Variants in PRKACB observed in about 807,000 individuals in gnomAD.
PRKACB encodes protein kinase cAMP-activated catalytic subunit beta, also known as cAMP-dependent protein kinase catalytic subunit beta.
In PRKACB, 16 loss-of-function variants were observed where a neutral mutation model predicts 51.4. That is an observed-to-expected ratio of 0.31 (90% CI 0.21 to 0.47). PRKACB has a LOEUF of 0.47. Ranked by LOEUF, PRKACB falls within the 20% of genes least tolerant of loss-of-function variation. The pLI is 1.00. For missense variants in PRKACB, 309 were observed against 464.5 expected, an observed-to-expected ratio of 0.67 and a Z score of 3.08; for synonymous variants, 147 against 154.4, an observed-to-expected ratio of 0.95 and a Z score of 0.35.
chr1:84,180,201 T>TATATATATATATATATATATATATAG (rs1662888468), intron 2 of PRKACB, among the ~76,000 whole-genome samples: 1 of 119,938 alleles, frequency 8.3e-6, no homozygotes, highest in Non-Finnish European at 1.8e-5. Context: ...TATATATATA[T>TATATATATATATATATATATATATAG]ATATATATGT....
intron 1 of PRKACB, among the ~76,000 whole-genome samples, chr1:84,175,974 G>A (rs1191576919): frequency 1.3e-5 from 2 of 151,620 alleles, no homozygotes; most frequent in East Asian, 1.9e-4. Context: ...AGAATAAAAT[G>A]TGTTTCAGAA....
intron 9 of PRKACB, among the ~76,000 whole-genome samples, chr1:84,224,850 A>T (rs564580311): frequency 6.6e-6 from 1 of 152,124 alleles, no homozygotes; most frequent in Non-Finnish European, 1.5e-5. Context: ...TCACTGTGGG[A>T]GGTGCCACCA....
intron 1 of PRKACB, among the ~76,000 whole-genome samples, chr1:84,169,780 C>T (rs969352102): frequency 6.6e-6 from 1 of 151,636 alleles, no homozygotes; most frequent in East Asian, 1.9e-4. Context: ...TTTGTTTTGA[C>T]AAGATTAACA....
At chr1:84,119,455 C>T (rs1156912058) in intron 1 of PRKACB, among the ~76,000 whole-genome samples, 1 of 152,092 alleles carries the variant, frequency 6.6e-6, no homozygotes, top group Non-Finnish European at 1.5e-5. Flanking sequence ...TTATACCCTT[C>T]TACTGATGCT....
chr1:84,214,883 T>TA (rs1425288785), intron 9 of PRKACB, among the ~76,000 whole-genome samples: 30 of 152,348 alleles, frequency 2.0e-4, no homozygotes, highest in African/African-American at 7.2e-4. Context: ...CTATGCTTGT[T>TA]ACGCTTCACA....
At chr1:84,174,931 AT>A in intron 1 of PRKACB, 1 of 1,032,424 alleles carries the variant, frequency 9.7e-7, no homozygotes, top group South Asian at 2.4e-5. Context: ...TTAACATTTT[AT>A]TTCTGTATAT....
chr1:84,185,943 C>T (rs1442630476), intron 5 of PRKACB, among the ~76,000 whole-genome samples: 2 of 152,104 alleles, frequency 1.3e-5, no homozygotes, highest in Non-Finnish European at 2.9e-5. Context: ...GAGGCATATA[C>T]ACAGACTAGG....
chr1:84,217,478 G>A (rs1673042973), intron 9 of PRKACB, among the ~76,000 whole-genome samples: 1 of 151,982 alleles, frequency 6.6e-6, no homozygotes, highest in Non-Finnish European at 1.5e-5. Context: ...ACATCTGAGT[G>A]ACTTACTGCC....
intron 1 of PRKACB, among the ~76,000 whole-genome samples, chr1:84,080,404 C>A (rs79038019): frequency 2.2e-3 from 330 of 152,150 alleles, no homozygotes; most frequent in African/African-American, 7.4e-3. Flanking sequence ...GTGTTAATGA[C>A]AATCTAGTTC....
At chr1:84,149,406 T>C (rs568038008) in intron 1 of PRKACB, among the ~76,000 whole-genome samples, 3 of 152,158 alleles carry the variant, frequency 2.0e-5, no homozygotes, top group African/African-American at 7.2e-5. Context: ...ACTATAGGCA[T>C]GTGCCACCAT....
rs773223156 is a variant in PRKACB, at chr1:84,165,000, T to C, written c.188-14177T>C. Reference sequence around the variant, plus strand: ...AGCAATATGTTTTGGAAAGGTTGGTTTTCATCATGAGTGGTAAGTATGCTC... The same window carrying C: ...AGCAATATGTTTTGGAAAGGTTGGTCTTCATCATGAGTGGTAAGTATGCTC... On this transcript the variant is annotated intron_variant, in intron 1 of 9. Coordinates refer to ENST00000370685, the MANE Select transcript of PRKACB (RefSeq NM_182948.4). The C allele has an allele frequency of 6.5e-6, 10 of 1,545,816 alleles. No individual in the cohort carries two copies. The South Asian group carries it at 1.2e-4, about 19-fold the overall frequency.
At chr1:84,107,617 C>T (rs1229266146) in intron 1 of PRKACB, among the ~76,000 whole-genome samples, 1 of 152,074 alleles carries the variant, frequency 6.6e-6, no homozygotes, top group African/African-American at 2.4e-5. Flanking sequence ...CCAGAATCTA[C>T]AGGGAACTTA....
At chr1:84,109,680 C>T (rs1208073595) in intron 1 of PRKACB, among the ~76,000 whole-genome samples, 1 of 151,838 alleles carries the variant, frequency 6.6e-6, no homozygotes, top group African/African-American at 2.4e-5. Flanking sequence ...GCAACTTCAT[C>T]CAGTTACTAA....
intron 1 of PRKACB, among the ~76,000 whole-genome samples, chr1:84,157,709 A>G (rs766243493): frequency 4.2e-4 from 64 of 152,206 alleles, no homozygotes; most frequent in South Asian, 8.3e-4. Context: ...AGGTTCATCC[A>G]TGTTATAGAA....
intron 1 of PRKACB, chr1:84,175,201 G>A (rs1660819910): frequency 1.2e-6 from 1 of 835,532 alleles, no homozygotes; most frequent in East Asian, 3.8e-5. Flanking sequence ...GAAATAGTTT[G>A]TTTAGTTTTG....
At chr1:84,203,021 A>G (rs970093764) in intron 8 of PRKACB, among the ~76,000 whole-genome samples, 4 of 152,016 alleles carry the variant, frequency 2.6e-5, no homozygotes, top group African/African-American at 9.7e-5. Flanking sequence ...CAGTAAAGCA[A>G]TTTCTGTATT....
At chr1:84,222,757 G>A (rs1461942421) in intron 9 of PRKACB, among the ~76,000 whole-genome samples, 1 of 152,174 alleles carries the variant, frequency 6.6e-6, no homozygotes, top group Non-Finnish European at 1.5e-5. Context: ...CATTTTTGAA[G>A]AAAGGTTTCT....
At chr1:84,142,156 T>C (rs1653481590), upstream of PRKACB, among the ~76,000 whole-genome samples, 1 of 152,184 alleles carries the variant, frequency 6.6e-6, no homozygotes, top group Admixed American at 6.5e-5. Flanking sequence ...TTATTGAGTA[T>C]GTAATACATG....
At chr1:84,202,610 T>G in intron 7 of PRKACB, 73 bp from the exon 8 acceptor site, 5 of 1,444,086 alleles carry the variant, frequency 3.5e-6, no homozygotes, top group African/African-American at 1.4e-5. Flanking sequence ...CAGATCATTT[T>G]GAAATTATCT....
Sources: gnomAD v4.1 joint callset for allele counts (sites outside exome capture counted in the v4.1 genomes callset) on GRCh38, gnomAD v4.1.1 for gene constraint, MANE v1.5 for transcripts, NCBI Gene and HGNC (gene_info 2026-07-23, HGNC 2026-07-21) for gene names.